TENM3: variants seen among roughly 807,000 people sequenced by gnomAD.
The protein encoded by TENM3 is teneurin transmembrane protein 3, also known as teneurin-3.
A neutral mutation model predicts 255.1 loss-of-function variants in TENM3; 63 were observed. The observed-to-expected ratio is 0.25, with a 90% CI of 0.20 to 0.30. The LOEUF (loss-of-function observed/expected upper bound fraction) is 0.30. Among genes scored for constraint, TENM3 ranks in the 10% least tolerant of loss-of-function variants. The pLI, the probability that TENM3 is intolerant of heterozygous loss-of-function variation, is 1.00. For missense variants in TENM3, 2,929 were observed against 3,461.1 expected (o/e 0.85, Z 3.86); for synonymous variants, 1,306 against 1,322.3 (o/e 0.99, Z 0.27).
chr4:182,061,336 G>C, the TENM3 span, among the ~76,000 whole-genome samples: 1 of 152,088 alleles, frequency 6.6e-6, no homozygotes, highest in East Asian at 1.9e-4. Context: ...CTAGCTGCTT[G>C]CTTTTCTATC....
the TENM3 span, among the ~76,000 whole-genome samples, chr4:181,702,446 A>G: frequency 6.6e-6 from 1 of 152,248 alleles, no homozygotes; most frequent in Non-Finnish European, 1.5e-5. Context: ...AGTTTTCTCA[A>G]TGGATAATAT....
chr4:181,534,566 T>C, the TENM3 span, among the ~76,000 whole-genome samples: 3 of 152,080 alleles, frequency 2.0e-5, no homozygotes, highest in African/African-American at 7.2e-5. Context: ...ATGAGTAATG[T>C]CTGCTATGAC....
chr4:181,450,980 C>T, the TENM3 span, among the ~76,000 whole-genome samples: 1 of 152,100 alleles, frequency 6.6e-6, no homozygotes, highest in Non-Finnish European at 1.5e-5. Flanking sequence ...GATCGTGTTT[C>T]CAGGTGTTGG....
chr4:181,945,407 G>A, the TENM3 span, among the ~76,000 whole-genome samples: 1 of 152,066 alleles, frequency 6.6e-6, no homozygotes, highest in Non-Finnish European at 1.5e-5. Flanking sequence ...CGGAGCACGT[G>A]GGGACGTAGG....
At chr4:182,359,782 T>C (rs1294620489) in intron 3 of TENM3, among the ~76,000 whole-genome samples, 1 of 152,168 alleles carries the variant, frequency 6.6e-6, no homozygotes, top group Non-Finnish European at 1.5e-5. Context: ...TGTTTGGCTC[T>C]TACTTTTCTA....
the TENM3 span, among the ~76,000 whole-genome samples, chr4:181,649,140 A>G: frequency 6.6e-6 from 1 of 152,182 alleles, no homozygotes; most frequent in Non-Finnish European, 1.5e-5. Flanking sequence ...TTTCTAGCAG[A>G]GAAGGAATTT....
chr4:181,957,449 A>G, the TENM3 span, among the ~76,000 whole-genome samples: 757 of 152,352 alleles, frequency 5.0e-3, 5 homozygotes, highest in African/African-American at 0.018. Flanking sequence ...CAAGGAAGGA[A>G]CTTGGAAGAA....
At chr4:181,863,631 C>T in the TENM3 span, among the ~76,000 whole-genome samples, 2 of 152,064 alleles carry the variant, frequency 1.3e-5, no homozygotes, top group Non-Finnish European at 2.9e-5. Context: ...TCCCTTAAGC[C>T]TTTCTCCTGG....
the TENM3 span, among the ~76,000 whole-genome samples, chr4:182,072,028 G>T: frequency 2.6e-5 from 4 of 152,340 alleles, no homozygotes; most frequent in South Asian, 2.1e-4. Flanking sequence ...TTAGGGGTTT[G>T]TTTCAGTAAA....
intron 4 of TENM3, among the ~76,000 whole-genome samples, chr4:182,608,899 G>C (rs1447746961): frequency 6.6e-6 from 1 of 152,212 alleles, no homozygotes; most frequent in Non-Finnish European, 1.5e-5. Context: ...AGGGGCTCAG[G>C]GGCGGCTTCC....
At chr4:181,756,409 C>G in the TENM3 span, among the ~76,000 whole-genome samples, 1 of 152,244 alleles carries the variant, frequency 6.6e-6, no homozygotes, top group South Asian at 2.1e-4. Flanking sequence ...CTCCTCAAAA[C>G]AATGTAGCTT....
the TENM3 span, among the ~76,000 whole-genome samples, chr4:181,839,460 C>CTA: frequency 6.6e-5 from 9 of 135,764 alleles, no homozygotes; most frequent in Non-Finnish European, 9.4e-5. Context: ...ATATATATAT[C>CTA]TATATATATA....
the TENM3 span, among the ~76,000 whole-genome samples, chr4:182,095,460 CAT>C: frequency 7.2e-5 from 11 of 152,166 alleles, no homozygotes; most frequent in African/African-American, 2.7e-4. Flanking sequence ...ATAAATATCA[CAT>C]GTTCTCACTC....
chr4:182,500,999 CTTTA>C (rs1736259919), intron 3 of TENM3, among the ~76,000 whole-genome samples: 1 of 151,984 alleles, frequency 6.6e-6, no homozygotes, highest in Non-Finnish European at 1.5e-5. Context: ...TCCTTTATTT[CTTTA>C]TTTAGTCTTG....
the TENM3 span, among the ~76,000 whole-genome samples, chr4:181,682,978 C>T: frequency 6.6e-6 from 1 of 151,424 alleles, no homozygotes; most frequent in African/African-American, 2.4e-5. Flanking sequence ...CTTTGGGAGG[C>T]AGAGATGGAA....
chr4:181,455,214 G>A, the TENM3 span, among the ~76,000 whole-genome samples: 1 of 152,128 alleles, frequency 6.6e-6, no homozygotes, highest in Non-Finnish European at 1.5e-5. Flanking sequence ...CAATGCAAGA[G>A]AGAGGCAGCC....
chr4:182,537,783 G>A (rs117848069), intron 3 of TENM3, among the ~76,000 whole-genome samples: 1 of 152,290 alleles, frequency 6.6e-6, no homozygotes, highest in Admixed American at 6.5e-5. Flanking sequence ...TTGTGTCCCT[G>A]TCTCTGTGTT....
At chr4:181,887,358 A>G in the TENM3 span, among the ~76,000 whole-genome samples, 757 of 152,288 alleles carry the variant, frequency 5.0e-3, 5 homozygotes, top group African/African-American at 0.017. Context: ...TTAATGATAG[A>G]CTTGACAAAA....
At chr4:182,100,818 T>TATATACAC in the TENM3 span, among the ~76,000 whole-genome samples, 1 of 12,324 alleles carries the variant, frequency 8.1e-5, no homozygotes, top group African/African-American at 3.0e-4. Flanking sequence ...CACATATATA[T>TATATACAC]ACACATATAT....
Sources: gnomAD v4.1 joint callset for allele counts (sites outside exome capture counted in the v4.1 genomes callset) on GRCh38, gnomAD v4.1.1 for gene constraint, MANE v1.5 for transcripts, NCBI Gene and HGNC (gene_info 2026-07-23, HGNC 2026-07-21) for gene names.